Variants in NAALADL2 observed in about 807,000 individuals in gnomAD.
NAALADL2 encodes inactive N-acetylated-alpha-linked acidic dipeptidase-like protein 2.
NAALADL2 carries 76 observed loss-of-function variants against 87.2 expected under a neutral mutation model. The ratio of observed to expected loss-of-function variants is 0.87; its 90% CI spans 0.72 to 1.05. The LOEUF (loss-of-function observed/expected upper bound fraction) is 1.05. Ranked by LOEUF, NAALADL2 falls within the 50% of genes least tolerant of loss-of-function variation. NAALADL2 has a pLI of 0.00. For synonymous variants in NAALADL2, 354 were observed against 331.0 expected, an observed-to-expected ratio of 1.07 and a Z score of -0.75; for missense variants, 1,089 against 945.8, an observed-to-expected ratio of 1.15 and a Z score of -1.99.
intron 5 of NAALADL2, among the ~76,000 whole-genome samples, chr3:175,423,337 T>A (rs1581821284): frequency 6.6e-6 from 1 of 151,408 alleles, no homozygotes; most frequent in Non-Finnish European, 1.5e-5. Context: ...ACATATGTAT[T>A]CATGTGCCAT....
intron 2 of NAALADL2, among the ~76,000 whole-genome samples, chr3:174,726,010 C>A (rs562147385): frequency 2.1e-3 from 318 of 152,234 alleles, no homozygotes; most frequent in African/African-American, 7.2e-3. Flanking sequence ...ATTTCCTTGT[C>A]TTCAGCCTAA....
At chr3:175,193,022 T>C (rs1240608224) in intron 2 of NAALADL2, among the ~76,000 whole-genome samples, 1 of 151,924 alleles carries the variant, frequency 6.6e-6, no homozygotes, top group Non-Finnish European at 1.5e-5. Flanking sequence ...CACACACTTA[T>C]CACTGGATTT....
At chr3:175,052,950 G>A (rs904108356) in intron 1 of NAALADL2, among the ~76,000 whole-genome samples, 8 of 152,152 alleles carry the variant, frequency 5.3e-5, no homozygotes, top group South Asian at 2.1e-4. Context: ...CATGCAAACC[G>A]AGAGGTGCAA....
chr3:175,230,518 G>A (rs964884574), intron 2 of NAALADL2, among the ~76,000 whole-genome samples: 2 of 151,910 alleles, frequency 1.3e-5, no homozygotes, highest in Admixed American at 1.3e-4. Flanking sequence ...TACATGAAAA[G>A]CTCCTCACTG....
chr3:174,461,916 TATC>T (rs1488761922), intron 1 of NAALADL2, among the ~76,000 whole-genome samples: 2 of 152,214 alleles, frequency 1.3e-5, no homozygotes, highest in Middle Eastern at 3.4e-3. Context: ...ACAAGTAACT[TATC>T]ATCTATATAC....
intron 11 of NAALADL2, among the ~76,000 whole-genome samples, chr3:175,731,900 T>A (rs1243803236): frequency 6.6e-6 from 1 of 152,210 alleles, no homozygotes; most frequent in African/African-American, 2.4e-5. Flanking sequence ...AAACAAAACA[T>A]GTCTTTTCTG....
intron 13 of NAALADL2, among the ~76,000 whole-genome samples, chr3:175,794,785 T>C (rs992895257): frequency 6.6e-6 from 1 of 152,210 alleles, no homozygotes; most frequent in African/African-American, 2.4e-5. Context: ...TGATAATTCA[T>C]ATTTAAAAAA....
intron 9 of NAALADL2, among the ~76,000 whole-genome samples, chr3:175,506,435 T>C (rs1456571820): frequency 6.6e-6 from 1 of 152,212 alleles, no homozygotes; most frequent in Non-Finnish European, 1.5e-5. Flanking sequence ...TCTTCCACTC[T>C]CTAAATGTTT....
intron 1 of NAALADL2, among the ~76,000 whole-genome samples, chr3:175,055,485 T>C (rs1223812495): frequency 1.3e-5 from 2 of 152,166 alleles, no homozygotes; most frequent in African/African-American, 4.8e-5. Context: ...TTGTACAGCA[T>C]AAATCTACTG....
At chr3:175,523,079 A>G (rs1732876990) in intron 9 of NAALADL2, among the ~76,000 whole-genome samples, 2 of 152,206 alleles carry the variant, frequency 1.3e-5, no homozygotes, top group Non-Finnish European at 2.9e-5. Context: ...TAAAGAATCC[A>G]TAGCTTTTGA....
At chr3:175,100,559 C>T (rs535581019) in intron 2 of NAALADL2, among the ~76,000 whole-genome samples, 12 of 152,146 alleles carry the variant, frequency 7.9e-5, no homozygotes, top group East Asian at 7.7e-4. Context: ...AAAAGAAGGC[C>T]AGGGGCAGTG....
intron 2 of NAALADL2, among the ~76,000 whole-genome samples, chr3:174,558,833 C>G (rs772689972): frequency 5.3e-5 from 8 of 152,122 alleles, no homozygotes; most frequent in Admixed American, 2.6e-4. Flanking sequence ...CCAACATGTA[C>G]CTTCCCCAAA....
chr3:174,740,710 A>C (rs1733686522), intron 3 of NAALADL2, among the ~76,000 whole-genome samples: 1 of 151,868 alleles, frequency 6.6e-6, no homozygotes, highest in Admixed American at 6.6e-5. Context: ...GTATAATCTA[A>C]GCAAAATTTT....
At chr3:175,505,393 T>C (rs1170129712) in intron 9 of NAALADL2, among the ~76,000 whole-genome samples, 1 of 152,094 alleles carries the variant, frequency 6.6e-6, no homozygotes, top group Admixed American at 6.6e-5. Context: ...TGAGTAAAAT[T>C]TTCCCACTAG....
At chr3:175,403,477 C>A (rs1406782698) in intron 5 of NAALADL2, among the ~76,000 whole-genome samples, 1 of 152,058 alleles carries the variant, frequency 6.6e-6, no homozygotes, top group East Asian at 1.9e-4. Flanking sequence ...CAAATAACAG[C>A]ATTAAAGCCT....
At chr3:174,891,293 A>G (rs1290197435) in intron 1 of NAALADL2, among the ~76,000 whole-genome samples, 1 of 152,100 alleles carries the variant, frequency 6.6e-6, no homozygotes, top group Non-Finnish European at 1.5e-5. Flanking sequence ...CTTACCCACA[A>G]GGATACCAAG....
chr3:174,741,602 A>G (rs1442033528), intron 3 of NAALADL2, among the ~76,000 whole-genome samples: 1 of 151,666 alleles, frequency 6.6e-6, no homozygotes, highest in Non-Finnish European at 1.5e-5. Context: ...TATAAAAGAA[A>G]AAACAATATT....
At chr3:174,517,187 T>G (rs543008737) in intron 1 of NAALADL2, among the ~76,000 whole-genome samples, 1 of 152,138 alleles carries the variant, frequency 6.6e-6, no homozygotes, top group South Asian at 2.1e-4. Context: ...TGATTAAGAT[T>G]TATATTATAG....
At chr3:174,955,316 A>G (rs1279292396) in intron 1 of NAALADL2, among the ~76,000 whole-genome samples, 1 of 152,126 alleles carries the variant, frequency 6.6e-6, no homozygotes, top group Admixed American at 6.6e-5. Context: ...CATTCAGTGC[A>G]AAATAAAATA....
Sources: gnomAD v4.1 joint callset for allele counts (sites outside exome capture counted in the v4.1 genomes callset) on GRCh38, gnomAD v4.1.1 for gene constraint, MANE v1.5 for transcripts, NCBI Gene and HGNC (gene_info 2026-07-23, HGNC 2026-07-21) for gene names.